Variants in ZNF136 observed in about 807,000 individuals in gnomAD.
The protein encoded by ZNF136 is zinc finger protein 136 (clone pHZ-20).
A neutral mutation model predicts 11.4 loss-of-function variants in ZNF136; 8 were observed. That is an observed-to-expected ratio of 0.70 (90% confidence interval 0.41 to 1.27). The LOEUF (loss-of-function observed/expected upper bound fraction) is 1.27. ZNF136 is among the 50% of genes most tolerant of loss of function. The pLI, the probability that ZNF136 is intolerant of heterozygous loss-of-function variation, is 0.01. For missense variants in ZNF136, 590 were observed against 656.5 expected (o/e 0.90, Z 1.11); for synonymous variants, 190 against 207.1 (o/e 0.92, Z 0.71).
At chr19:12,168,121 G>GCACT (rs1914532381) in intron 1 of ZNF136, among the ~76,000 whole-genome samples, 1 of 123,430 alleles carries the variant, frequency 8.1e-6, no homozygotes, top group Admixed American at 1.1e-4. Context: ...TGCCCAAGCT[G>GCACT]GAGTGCAGTG....
chr19:12,169,856 G>A (rs560158523), intron 1 of ZNF136, among the ~76,000 whole-genome samples: 17 of 151,672 alleles, frequency 1.1e-4, no homozygotes, highest in Admixed American at 3.3e-4. Context: ...GTGCAGTGGC[G>A]TAATCTCGGC....
chr19:12,174,166 A>G (rs1309030332), intron 1 of ZNF136, among the ~76,000 whole-genome samples: 1 of 152,102 alleles, frequency 6.6e-6, no homozygotes, highest in African/African-American at 2.4e-5. Flanking sequence ...CGGCCTCCCA[A>G]AGTGCTGAGA....
At chr19:12,179,546 G>A (rs773253726) in intron 1 of ZNF136, among the ~76,000 whole-genome samples, 5 of 151,814 alleles carry the variant, frequency 3.3e-5, no homozygotes, top group Non-Finnish European at 4.4e-5. Context: ...CCTGACCTCA[G>A]GTGGTCTGCC....
At position 12,187,914 on chromosome 19, in the gene ZNF136, C is replaced by T; in HGVS notation, c.1536C>T (p.Ala512=). The T allele has an allele frequency of 6.3e-7, 1 of 1,581,998 alleles. No homozygotes were observed. Among genetic ancestry groups the T allele is most frequent in the Non-Finnish European group, 8.6e-7 (1 of 1,169,458 alleles). The change falls in exon 4 of 4, where the codon GCC becomes GCT. Residue 512 remains alanine, a synonymous_variant. Coordinates refer to ENST00000343979, the MANE Select transcript of ZNF136 (RefSeq NM_003437.5). ...ATCATTGCAAGGAATGTGGGAAAGCCTATTCTTGCCGTGCCAGCTTTCAGA... is the reference window on the plus strand; with the variant it reads ...ATCATTGCAAGGAATGTGGGAAAGCTTATTCTTGCCGTGCCAGCTTTCAGA... ...KPYHCKECGK[A]YSCRASFQRH...
intron 1 of ZNF136, among the ~76,000 whole-genome samples, chr19:12,164,439 C>CTTT (rs61233117): frequency 4.9e-4 from 60 of 122,846 alleles, no homozygotes; most frequent in African/African-American, 6.4e-4. Context: ...TCCCAGATAA[C>CTTT]TTTTTTTTTT....
chr19:12,171,771 T>C (rs758881327), intron 1 of ZNF136, among the ~76,000 whole-genome samples: 3 of 151,922 alleles, frequency 2.0e-5, no homozygotes, highest in East Asian at 1.9e-4. Flanking sequence ...TTGATTTTAA[T>C]TGAGTTGACT....
intron 1 of ZNF136, among the ~76,000 whole-genome samples, chr19:12,179,577 C>T (rs1761100880): frequency 6.6e-6 from 1 of 152,122 alleles, no homozygotes; most frequent in Admixed American, 6.5e-5. Flanking sequence ...TCCCAAAGTG[C>T]TGGGATTACA....
At chr19:12,176,224 A>G (rs987988801) in intron 1 of ZNF136, among the ~76,000 whole-genome samples, 11 of 152,168 alleles carry the variant, frequency 7.2e-5, no homozygotes, top group African/African-American at 2.4e-4. Context: ...CCTGTGCCAC[A>G]TGGGATGGGT....
Position 12,188,173 on chromosome 19 carries a change from G to A in ZNF136, c.*172G>A, listed in dbSNP as rs917854970. On this transcript the variant is annotated 3_prime_UTR_variant, in exon 4 of 4. Transcript: ENST00000343979. ...CATGGGAAAGCTTTCAATCATTTTA[G>A]TTCCTTTCAAATACATGAAAGAACT... is the stretch of plus-strand genomic sequence containing the variant. 6.1e-6 allele frequency: 3 copies of A among 493,382 alleles called. No individual in the cohort carries two copies. Among genetic ancestry groups the A allele is most frequent in the African/African-American group, 6.0e-5 (3 of 50,366 alleles). The allele number at this position is 493,382 out of a possible 1,614,324, so 30.6% of individuals were successfully genotyped here. A position where few individuals can be genotyped will look rare whatever the true frequency, so the allele number is the denominator to read the frequency against.
At position 12,188,054 on chromosome 19, in the gene ZNF136, T is replaced by G; in HGVS notation, c.*53T>G. The G allele has an allele frequency of 7.1e-7, 1 of 1,410,264 alleles. No homozygotes were observed. The allele number at this position is 1,410,264 out of a possible 1,614,324, so 87.4% of individuals were successfully genotyped here. ...AAATACTCACTGAAGAGAAGCCCTA[T>G]GAATGTAAGTAACGTGGGAAAGCAT... is the stretch of plus-strand genomic sequence containing the variant. On this transcript the variant is annotated 3_prime_UTR_variant, in exon 4 of 4. Transcript: ENST00000343979.
intron 1 of ZNF136, among the ~76,000 whole-genome samples, chr19:12,165,494 T>C (rs1489941594): frequency 1.3e-5 from 2 of 152,260 alleles, no homozygotes; most frequent in Admixed American, 6.5e-5. Flanking sequence ...ATTAGTCTTA[T>C]ATTCCACATT....
At chr19:12,165,512 T>G (rs1488035475) in intron 1 of ZNF136, among the ~76,000 whole-genome samples, 1 of 152,234 alleles carries the variant, frequency 6.6e-6, no homozygotes, top group Non-Finnish European at 1.5e-5. Context: ...ATTTTAAAAA[T>G]TCTTATTTTC....
At position 12,186,899 on chromosome 19, in the gene ZNF136, G is replaced by T; in HGVS notation, c.521G>T (p.Gly174Val). The T allele has an allele frequency of 1.2e-6, 2 of 1,613,810 alleles. No homozygotes were observed. The highest frequency in any genetic ancestry group is 1.7e-6 in the Non-Finnish European group (2 of 1,179,934). The change falls in exon 4 of 4, where the codon GGA becomes GTA. Residue 174 changes from glycine to valine, a missense_variant. Physicochemically the swap from Gly to Val is moderately radical, Grantham distance 109. Transcript: ENST00000343979. ...GEKLYDCKEC[G>V]KTFFSLKRIR... ...AAACTCTATGATTGTAAGGAATGTG[G>T]AAAAACCTTCTTTTCTCTCAAAAGA...
rs386388563 is a variant in ZNF136 at position 12,168,057 on chromosome 19, C to CTTTTTTTTTTTTTTT, written c.3+4867_3+4881dup. Among the ~76,000 whole-genome samples the CTTTTTTTTTTTTTTT allele has an allele frequency of 5.7e-3, 403 of 71,150 alleles. 49 individuals carry two copies. Among genetic ancestry groups the CTTTTTTTTTTTTTTT allele is most frequent in the Non-Finnish European group, 6.9e-3 (281 of 40,902 alleles). The allele number at this position is 71,150 out of a possible 152,430, so 46.7% of individuals were successfully genotyped here. ...GCCCATTTTTTTTTCTTTTCTTTTT[C>CTTTTTTTTTTTTTTT]TTTTTTTTTTTTTTTTTTTTTTTTT... On this transcript the variant is annotated intron_variant, in intron 1 of 3. Transcript: ENST00000343979.
chr19:12,173,099 C>G (rs1914702389), intron 1 of ZNF136, among the ~76,000 whole-genome samples: 1 of 152,112 alleles, frequency 6.6e-6, no homozygotes, highest in South Asian at 2.1e-4. Context: ...CACATACCCT[C>G]AGCCTGTCAG....
At chr19:12,171,583 C>G (rs1328181742) in intron 1 of ZNF136, among the ~76,000 whole-genome samples, 1 of 151,946 alleles carries the variant, frequency 6.6e-6, no homozygotes, top group Non-Finnish European at 1.5e-5. Flanking sequence ...CTTTTTTTAA[C>G]TTACTCTGTA....
chr19:12,170,405 T>C (rs1274438865), intron 1 of ZNF136, among the ~76,000 whole-genome samples: 1 of 152,126 alleles, frequency 6.6e-6, no homozygotes, highest in Non-Finnish European at 1.5e-5. Context: ...TTTTTTTTTT[T>C]TGAGGCAGGT....
At chr19:12,166,581 C>A (rs1977189818) in intron 1 of ZNF136, among the ~76,000 whole-genome samples, 1 of 152,206 alleles carries the variant, frequency 6.6e-6, no homozygotes, top group Admixed American at 6.6e-5. Flanking sequence ...TGGAACTTAG[C>A]AGATTCTAAA....
chr19:12,163,498 T>C (rs893225962), intron 1 of ZNF136, among the ~76,000 whole-genome samples: 1 of 152,140 alleles, frequency 6.6e-6, no homozygotes, highest in African/African-American at 2.4e-5. Context: ...GTGGGGGAAA[T>C]CCTGACTTGT....
Sources: gnomAD v4.1 joint callset for allele counts (sites outside exome capture counted in the v4.1 genomes callset) on GRCh38, gnomAD v4.1.1 for gene constraint, MANE v1.5 for transcripts, NCBI Gene and HGNC (gene_info 2026-07-23, HGNC 2026-07-21) for gene names.